Variants in CEP131 observed in about 807,000 individuals in gnomAD.
CEP131 encodes centrosomal protein of 131 kDa.
In CEP131, 99 loss-of-function variants were observed where a neutral mutation model predicts 136.8. The ratio of observed to expected loss-of-function variants is 0.72; its 90% confidence interval spans 0.62 to 0.86. The LOEUF (loss-of-function observed/expected upper bound fraction) is 0.86. CEP131 is among the 40% of genes least tolerant of loss of function. CEP131 has a pLI of 0.00. For synonymous variants in CEP131, 646 were observed against 612.7 expected, an observed-to-expected ratio of 1.05 and a Z score of -0.80; for missense variants, 1,459 against 1,463.0, an observed-to-expected ratio of 1.00 and a Z score of 0.04.
rs78845681 is a variant in CEP131, at chr17:81,218,430, G to A, written c.177+1450C>T. The stretch of plus-strand genomic sequence containing the variant: ...ACAGCGGGAGGGGCCAAGGCAGGTG[G>A]GCGAGGGGGTCAGTGACGCAGGAGC... On this transcript the variant is annotated intron_variant, in intron 2 of 25. Transcript: ENST00000450824. 1.1e-4 allele frequency among the ~76,000 whole-genome samples: 17 copies of A among 152,376 alleles called. No individual in the cohort carries two copies. The East Asian group carries it at 2.7e-3, about 24-fold the overall frequency.
rs1369406839 is a variant in CEP131, at chr17:81,202,378, G to A, written c.650C>T (p.Thr217Ile). 8 of 1,613,164 alleles carry A rather than the reference G, an allele frequency of 5.0e-6. No homozygotes were observed. The highest frequency in any genetic ancestry group is 6.8e-6 in the Non-Finnish European group (8 of 1,179,860). Residue 217 changes from threonine to isoleucine, a missense_variant, in exon 7 of 26, where the codon ACC (threonine) becomes ATC (isoleucine). Transcript: ENST00000450824. ...GCCGCTGCTCTCACTGCCCTCACAGGTGGCTGCCTTGATGATGTTGCTGAC... is the reference window on the plus strand; with the variant it reads ...GCCGCTGCTCTCACTGCCCTCACAGATGGCTGCCTTGATGATGTTGCTGAC... ...PSLNNIIKAA[T>I]CEGSESSGFG...
rs763756668 is a variant in CEP131 at position 81,218,363 on chromosome 17, C to T, written c.177+1517G>A. Among the ~76,000 whole-genome samples, 6 of 152,194 alleles carry T rather than the reference C, an allele frequency of 3.9e-5. No homozygotes were observed. The South Asian group carries it at 6.2e-4, about 16-fold the overall frequency. On this transcript the variant is annotated intron_variant, in intron 2 of 25. Transcript: ENST00000450824. ...CAGCCCAGATCTGCGATTTCGAGTG[C>T]GTCTTCCCCGCCCCATGTGCCATGA... is the stretch of plus-strand genomic sequence containing the variant.
At chr17:81,220,099 T>C (rs774171913) in intron 1 of CEP131, 26 bp from the exon 2 acceptor site, 2 of 1,472,710 alleles carry the variant, frequency 1.4e-6, no homozygotes, top group Non-Finnish European at 1.8e-6. Flanking sequence ...AGAGCTGCAA[T>C]GAGATGCCGT....
chr17:81,220,665 T>C (rs1477850295), intron 1 of CEP131, among the ~76,000 whole-genome samples: 2 of 151,994 alleles, frequency 1.3e-5, no homozygotes, highest in South Asian at 2.1e-4. Flanking sequence ...TGGCTAATTT[T>C]TGTATTTTTA....
chr17:81,196,588 C>G, intron 15 of CEP131, 113 bp downstream of exon 15: 2 of 1,438,392 alleles, frequency 1.4e-6, no homozygotes, highest in South Asian at 1.4e-5. Context: ...AGCGGACACC[C>G]GTGTGACACC....
chr17:81,193,866 G>A (rs536583029), intron 18 of CEP131, 60 bp downstream of exon 18: 14 of 1,504,672 alleles, frequency 9.3e-6, no homozygotes, highest in South Asian at 3.7e-5. Flanking sequence ...TCCAGCCTTC[G>A]AGGATTCCGA....
chr17:81,205,655 T>G (rs2061994183), intron 5 of CEP131, among the ~76,000 whole-genome samples: 1 of 152,090 alleles, frequency 6.6e-6, no homozygotes, highest in South Asian at 2.1e-4. Flanking sequence ...CCAGGGCTTT[T>G]GGGGAGGTCA....
intron 2 of CEP131, among the ~76,000 whole-genome samples, chr17:81,213,920 G>A (rs78248823): frequency 5.3e-5 from 8 of 152,072 alleles, no homozygotes; most frequent in South Asian, 2.1e-4. Context: ...ATCAGGCAAG[G>A]GCCAACAGGG....
chr17:81,220,422 C>A (rs2062361428), intron 1 of CEP131, among the ~76,000 whole-genome samples: 1 of 152,230 alleles, frequency 6.6e-6, no homozygotes. Context: ...CTACCCCACA[C>A]CGTGATTCTG....
At chr17:81,212,499 T>C (rs2062155949) in intron 2 of CEP131, among the ~76,000 whole-genome samples, 1 of 150,084 alleles carries the variant, frequency 6.7e-6, no homozygotes, top group Non-Finnish European at 1.5e-5. Context: ...CCTGTCAGCC[T>C]AAAGGCAGAG....
intron 19 of CEP131, 53 bp from the exon 20 acceptor site, chr17:81,192,646 G>C: frequency 7.5e-7 from 1 of 1,338,014 alleles, no homozygotes; most frequent in Non-Finnish European, 1.0e-6. Context: ...AGGAGTCAGG[G>C]ATGGGAGAGG....
In CEP131 at chr17:81,197,881, T is replaced by A; in HGVS notation, c.1478A>T (p.Asp493Val). The A allele has an allele frequency of 8.1e-6, 13 of 1,612,148 alleles. No individual in the cohort carries two copies. The highest frequency in any genetic ancestry group is 1.0e-5 in the Non-Finnish European group (12 of 1,179,356). Residue 493 changes from aspartate (D) to valine (V), a missense_variant, in exon 13 of 26, where the codon GAC becomes GTC. By Grantham distance (152) the Asp-to-Val change is radical. Coordinates refer to ENST00000450824, the MANE Select transcript of CEP131 (RefSeq NM_014984.4). ...GRYAWASEED[D>V]ASSLTADNLE... ...GTTGTCAGCTGTCAGAGAGCTGGCG[T>A]CATCCTCCTGTGGGACAGGAGCCCA...
At position 81,190,622 on chromosome 17, in the gene CEP131, C is replaced by A; in HGVS notation, c.3107+17G>T. 6.4e-7 allele frequency: 1 copy of A among 1,556,968 alleles called. No homozygotes were observed. On this transcript the variant is annotated intron_variant, in intron 24 of 25. Coordinates refer to ENST00000450824, the MANE Select transcript of CEP131 (RefSeq NM_014984.4). Reference sequence around the variant, plus strand: ...TGCCCCGCCTCCGTCTCCAGCCCTGCAGCCCCCGCCGCCCACCTCCGGTGC... The same window carrying A: ...TGCCCCGCCTCCGTCTCCAGCCCTGAAGCCCCCGCCGCCCACCTCCGGTGC...
At chr17:81,222,592 C>A (rs1293363307) in intron 1 of CEP131, among the ~76,000 whole-genome samples, 177 bp downstream of exon 1, 1 of 151,804 alleles carries the variant, frequency 6.6e-6, no homozygotes, top group African/African-American at 2.4e-5. Flanking sequence ...GGATCCCCCT[C>A]ACTTCCCCCG....
intron 5 of CEP131, among the ~76,000 whole-genome samples, chr17:81,205,069 G>A (rs1254158748): frequency 2.0e-5 from 3 of 151,994 alleles, no homozygotes; most frequent in Admixed American, 1.3e-4. Context: ...GACCAGTCTG[G>A]CCAACATAGC....
intron 16 of CEP131, 51 bp from the exon 17 acceptor site, chr17:81,195,023 C>A: frequency 7.0e-7 from 1 of 1,428,180 alleles, no homozygotes; most frequent in South Asian, 1.2e-5. Context: ...ACCCCCGTCC[C>A]TTTGCCACCC....
chr17:81,203,734 C>A lies in CEP131; in HGVS notation c.516-127G>T, dbSNP rs2061945631. 4.3e-6 allele frequency: 3 copies of A among 693,858 alleles called. No homozygotes were observed. In the Admixed American group the frequency reaches 7.5e-5, roughly 17 times the overall value. The allele number at this position is 693,858 out of a possible 1,614,324, so 43.0% of individuals were successfully genotyped here. ...TTCAGTGCTTGCTACGTGCTGGCAGCATTGTCGTCCAGTGTCCCCAGGCCC... is the reference window on the plus strand; with the variant it reads ...TTCAGTGCTTGCTACGTGCTGGCAGAATTGTCGTCCAGTGTCCCCAGGCCC... On this transcript the variant is annotated intron_variant, in intron 5 of 25. Coordinates refer to ENST00000450824, the MANE Select transcript of CEP131 (RefSeq NM_014984.4). The surrounding 1 kb of genome is among the most constrained non-coding windows in gnomAD (Gnocchi z 4.6).
rs570474776 is a variant in CEP131 at position 81,203,261 on chromosome 17, C to T, written c.629+233G>A. On this transcript the variant is annotated intron_variant, in intron 6 of 25. Transcript: ENST00000450824. The surrounding 1 kb of genome is among the most constrained non-coding windows in gnomAD (Gnocchi z 4.6). ...CCGACCCAAGAACAGAAGAGGGCGG[C>T]GGACGTGGATGGGGAGCCCGGTTCA... 1.3e-5 allele frequency among the ~76,000 whole-genome samples: 2 copies of T among 152,334 alleles called. No individual in the cohort carries two copies. The highest frequency in any genetic ancestry group is 2.1e-4 in the South Asian group (1 of 4,830).
At position 81,203,419 on chromosome 17, in the gene CEP131, AC is replaced by A; in HGVS notation, c.629+74del. The A allele has an allele frequency of 8.0e-7, 1 of 1,244,018 alleles. No homozygotes were observed. The highest frequency in any genetic ancestry group is 1.1e-6 in the Non-Finnish European group (1 of 882,826). The allele number at this position is 1,244,018 out of a possible 1,614,324, so 77.1% of individuals were successfully genotyped here. ...GACCGCGTGCCCTGACCGAGGTCGG[AC>A]CCCAGGTGCACTGACTACATGCCCT... On this transcript the variant is annotated intron_variant, in intron 6 of 25. Transcript: ENST00000450824. This position sits in a 1 kb window ranked among gnomAD's most constrained non-coding sequence, Gnocchi z 4.6.
Sources: gnomAD v4.1 joint callset for allele counts (sites outside exome capture counted in the v4.1 genomes callset) on GRCh38, gnomAD v4.1.1 for gene constraint, Gnocchi (gnomAD v3.1) non-coding constraint, MANE v1.5 for transcripts, NCBI Gene and HGNC (gene_info 2026-07-23, HGNC 2026-07-21) for gene names.